Variants in EIF4E3 observed in about 807,000 individuals in gnomAD.
The protein encoded by EIF4E3 is eukaryotic translation initiation factor 4E family member 3.
In EIF4E3, 26 loss-of-function variants were observed where a neutral mutation model predicts 31.7. That is an observed-to-expected ratio of 0.82 (90% CI 0.60 to 1.14). The LOEUF is 1.14. Among genes scored for constraint, EIF4E3 ranks in the 50% most tolerant of loss-of-function variants. The pLI is 0.00. For missense variants in EIF4E3, 304 were observed against 270.9 expected, an observed-to-expected ratio of 1.12 and a Z score of -0.86; for synonymous variants, 128 against 107.7, an observed-to-expected ratio of 1.19 and a Z score of -1.17.
At chr3:71,671,190 A>G (rs755899777), downstream of EIF4E3, among the ~76,000 whole-genome samples, 5 of 152,302 alleles carry the variant, frequency 3.3e-5, no homozygotes, top group Non-Finnish European at 7.4e-5. Context: ...GGAGGCTAAA[A>G]GAAAACTCAA....
intron 2 of EIF4E3, among the ~76,000 whole-genome samples, chr3:71,703,517 G>A (rs2049247141): frequency 6.6e-6 from 1 of 152,152 alleles, no homozygotes; most frequent in Non-Finnish European, 1.5e-5. Context: ...CCTAAGGAAG[G>A]AAACAAAGTA....
intron 3 of EIF4E3, 111 bp from the exon 4 acceptor site, chr3:71,696,631 C>A: frequency 8.1e-7 from 1 of 1,234,070 alleles, no homozygotes; most frequent in Middle Eastern, 2.0e-4. Context: ...ACCTTAAAAA[C>A]AAAATAGTTG....
At chr3:71,660,924 C>T in the EIF4E3 span, among the ~76,000 whole-genome samples, 1 of 151,968 alleles carries the variant, frequency 6.6e-6, no homozygotes, top group Non-Finnish European at 1.5e-5. Context: ...GGCTCTGAAG[C>T]TTCCACCCCC....
At chr3:71,728,477 C>T (rs1036079051), upstream of EIF4E3, 3 of 152,594 alleles carry the variant, frequency 2.0e-5, no homozygotes, top group African/African-American at 2.4e-5. Flanking sequence ...GTGACTTACC[C>T]GAGGCCACAG....
upstream of EIF4E3, among the ~76,000 whole-genome samples, chr3:71,729,838 G>GTGTGTGTGTGTGTGTGTA (rs1367476617): frequency 6.7e-6 from 1 of 149,962 alleles, no homozygotes; most frequent in African/African-American, 2.5e-5. Flanking sequence ...GTGTGTGTGT[G>GTGTGTGTGTGTGTGTGTA]TATTTAAGTG....
chr3:71,728,896 C>T (rs2049671051), upstream of EIF4E3, among the ~76,000 whole-genome samples: 2 of 152,234 alleles, frequency 1.3e-5, no homozygotes, highest in Admixed American at 1.3e-4. Flanking sequence ...AGCTGGGTAA[C>T]CTGCCCAAGG....
At chr3:71,666,561 A>G in the EIF4E3 span, among the ~76,000 whole-genome samples, 1 of 152,198 alleles carries the variant, frequency 6.6e-6, no homozygotes, top group Non-Finnish European at 1.5e-5. Flanking sequence ...TCCAAACAAT[A>G]GAAAAAAAGG....
chr3:71,707,785 C>A (rs954720960), intron 2 of EIF4E3, among the ~76,000 whole-genome samples: 16 of 152,084 alleles, frequency 1.1e-4, no homozygotes, highest in African/African-American at 3.9e-4. Flanking sequence ...TTGGCCCCCA[C>A]TGAGAATGTG....
chr3:71,692,174 C>G (rs1255727065), intron 5 of EIF4E3, among the ~76,000 whole-genome samples: 1 of 152,146 alleles, frequency 6.6e-6, no homozygotes, highest in Non-Finnish European at 1.5e-5. Flanking sequence ...TAAGTAGAAT[C>G]AACCAGCAAA....
intron 1 of EIF4E3, among the ~76,000 whole-genome samples, chr3:71,741,784 T>C (rs2049823493): frequency 6.6e-6 from 1 of 152,242 alleles, no homozygotes. Flanking sequence ...AAAGTCTTGA[T>C]AAACTTAACA....
Position 71,681,892 on chromosome 3 carries a change from T to C in EIF4E3, c.*2790A>G, listed in dbSNP as rs2048928654. ...TTTAAAGTTTATTAGAGTTGTGGTT[T>C]CCTTTTCATGTTTTTGCTTCATAAA... is the stretch of plus-strand genomic sequence containing the variant. On this transcript the variant is annotated 3_prime_UTR_variant, in exon 7 of 7. Coordinates refer to ENST00000425534, the MANE Select transcript of EIF4E3 (RefSeq NM_001134651.2). 2 of 152,218 alleles carry C rather than the reference T, an allele frequency of 1.3e-5. No individual in the cohort carries two copies. The highest frequency in any genetic ancestry group is 4.8e-5 in the African/African-American group (2 of 41,454). 9.4% of individuals were successfully genotyped at this position (152,218 alleles called of 1,614,324 possible).
the EIF4E3 span, among the ~76,000 whole-genome samples, chr3:71,665,560 G>A: frequency 6.6e-6 from 1 of 152,180 alleles, no homozygotes; most frequent in Admixed American, 6.5e-5. Context: ...GTCTGTCACT[G>A]TAACATACTT....
intron 1 of EIF4E3, among the ~76,000 whole-genome samples, chr3:71,719,785 G>A (rs2049518742): frequency 6.6e-6 from 1 of 152,100 alleles, no homozygotes; most frequent in Non-Finnish European, 1.5e-5. Context: ...AGGCTGAGGT[G>A]GGAGAATTGC....
chr3:71,702,917 T>C (rs770545223), intron 2 of EIF4E3, among the ~76,000 whole-genome samples: 2 of 152,184 alleles, frequency 1.3e-5, no homozygotes, highest in Non-Finnish European at 2.9e-5. Context: ...GGAAGCCTGG[T>C]AATTCAAGAT....
In EIF4E3 at chr3:71,695,285, A is replaced by G. The variant is rs192511269; in HGVS notation, c.405+1175T>C. On this transcript the variant is annotated intron_variant, in intron 4 of 6. Transcript: ENST00000425534. ...AGACTCCCACTGGTTGATGATGAAA[A>G]GTAGGCTAAACTGCCTGGGATGAGG... Among the ~76,000 whole-genome samples, 37 of 152,316 alleles carry G rather than the reference A, an allele frequency of 2.4e-4. No homozygotes were observed. The East Asian group carries it at 5.2e-3, about 21-fold the overall frequency.
At chr3:71,726,032 C>G (rs554120585), upstream of EIF4E3, among the ~76,000 whole-genome samples, 56 of 152,146 alleles carry the variant, frequency 3.7e-4, no homozygotes, top group South Asian at 9.6e-3. Flanking sequence ...GAAAGAAGAA[C>G]GAACAAGAGA....
At chr3:71,719,544 A>C (rs2049514824) in intron 1 of EIF4E3, among the ~76,000 whole-genome samples, 1 of 152,110 alleles carries the variant, frequency 6.6e-6, no homozygotes, top group Non-Finnish European at 1.5e-5. Context: ...TGAAAAAAAA[A>C]AAAAAAGTCT....
chr3:71,754,259 C>T (rs773272529), upstream of EIF4E3: 2 of 1,257,728 alleles, frequency 1.6e-6, no homozygotes, highest in Admixed American at 2.6e-5. The surrounding 1 kb of genome is among the most constrained non-coding windows in gnomAD (Gnocchi z 5.8). Flanking sequence ...GCGCGCTCGC[C>T]TGCCTCCCGG....
chr3:71,733,629 G>A (rs2049730044), intron 1 of EIF4E3, among the ~76,000 whole-genome samples: 1 of 152,124 alleles, frequency 6.6e-6, no homozygotes, highest in Non-Finnish European at 1.5e-5. Flanking sequence ...TGAGGGGTGG[G>A]GAGCTCACCT....
Sources: gnomAD v4.1 joint callset for allele counts (sites outside exome capture counted in the v4.1 genomes callset) on GRCh38, gnomAD v4.1.1 for gene constraint, Gnocchi (gnomAD v3.1) non-coding constraint, MANE v1.5 for transcripts, NCBI Gene and HGNC (gene_info 2026-07-23, HGNC 2026-07-21) for gene names.